TMEM202: variants seen among roughly 807,000 people sequenced by gnomAD.
The protein encoded by TMEM202 is transmembrane protein 202.
In TMEM202, 25 loss-of-function variants were observed where a neutral mutation model predicts 26.1. That is an observed-to-expected ratio of 0.96 (90% CI 0.70 to 1.34). TMEM202 has a LOEUF of 1.34. Ranked by LOEUF, TMEM202 falls within the 40% of genes most tolerant of loss-of-function variation. The pLI is 0.00. For missense variants in TMEM202, 301 were observed against 327.7 expected, an observed-to-expected ratio of 0.92 and a Z score of 0.63; for synonymous variants, 122 against 119.0, an observed-to-expected ratio of 1.02 and a Z score of -0.16.
intron 2 of TMEM202, among the ~76,000 whole-genome samples, chr15:72,400,315 G>A (rs1325661817): frequency 6.6e-6 from 1 of 152,146 alleles, no homozygotes; most frequent in East Asian, 1.9e-4. Context: ...ATAACAAGAT[G>A]TAACTTTTCA....
intron 3 of TMEM202, 73 bp from the exon 4 acceptor site, chr15:72,407,013 A>G (rs1750380044): frequency 1.3e-6 from 2 of 1,582,634 alleles, no homozygotes; most frequent in African/African-American, 2.7e-5. Context: ...TCTGGAGGCC[A>G]AAGAGCTGGG....
intron 2 of TMEM202, among the ~76,000 whole-genome samples, chr15:72,403,053 A>T (rs1450186230): frequency 6.6e-6 from 1 of 152,168 alleles, no homozygotes; most frequent in Admixed American, 6.5e-5. Context: ...TGTCTCCAGC[A>T]ACACCACTTT....
chr15:72,400,599 A>G (rs1233622114), intron 2 of TMEM202, among the ~76,000 whole-genome samples: 2 of 152,166 alleles, frequency 1.3e-5, no homozygotes, highest in African/African-American at 4.8e-5. Context: ...CATCCTTAAG[A>G]TTATTATTTA....
At position 72,407,668 on chromosome 15, in the gene TMEM202, C is replaced by G. The variant is rs952613466; in HGVS notation, c.620-23C>G. 4 of 1,610,554 alleles carry G rather than the reference C, an allele frequency of 2.5e-6. No individual in the cohort carries two copies. The African/African-American group carries it at 5.3e-5, about 22-fold the overall frequency. Reference sequence around the variant, plus strand: ...AAGACCATTGCCTATTGAACCTCACCTCAAATTATTCCCTTCCCGTAGGGA... The same window carrying G: ...AAGACCATTGCCTATTGAACCTCACGTCAAATTATTCCCTTCCCGTAGGGA... On this transcript the variant is annotated intron_variant, in intron 4 of 4. Coordinates refer to ENST00000341689, the MANE Select transcript of TMEM202 (RefSeq NM_001080462.3).
At chr15:72,404,528 G>A (rs1280398718) in intron 2 of TMEM202, among the ~76,000 whole-genome samples, 1 of 152,166 alleles carries the variant, frequency 6.6e-6, no homozygotes, top group East Asian at 1.9e-4. Flanking sequence ...CTCAGATAAA[G>A]AAAATCAAGC....
chr15:72,406,674 T>G lies in TMEM202; in HGVS notation c.410T>G (p.Phe137Cys). ...FTILTGLGWLFSSWILNRGSM... is the reference protein window; with the variant it reads ...FTILTGLGWLCSSWILNRGSM... ...ATACTTACTGGCCTTGGCTGGCTCT[T>G]CAGCTCTTGGATCCTTAATCGAGGA... The change falls in exon 3 of 5, where the codon TTC becomes TGC. Residue 137 changes from phenylalanine (F) to cysteine (C), a missense_variant. Physicochemically the swap from Phe to Cys is radical, Grantham distance 205. Transcript: ENST00000341689. 3 of 1,614,138 alleles carry G rather than the reference T, an allele frequency of 1.9e-6. No homozygotes were observed. Among genetic ancestry groups the G allele is most frequent in the Non-Finnish European group, 2.5e-6 (3 of 1,179,996 alleles).
intron 2 of TMEM202, among the ~76,000 whole-genome samples, chr15:72,402,699 C>T (rs369252389): frequency 7.9e-5 from 12 of 152,072 alleles, no homozygotes; most frequent in South Asian, 2.1e-4. Context: ...TTTTGCAGAG[C>T]GTGGGAAAGA....
At chr15:72,399,662 A>G (rs2063538683) in intron 2 of TMEM202, among the ~76,000 whole-genome samples, 1 of 152,258 alleles carries the variant, frequency 6.6e-6, no homozygotes, top group Admixed American at 6.5e-5. Context: ...GCCAGCTATG[A>G]AGATAATGTT....
intron 2 of TMEM202, among the ~76,000 whole-genome samples, chr15:72,400,032 TC>T (rs1342211483): frequency 6.6e-6 from 1 of 152,202 alleles, no homozygotes; most frequent in Non-Finnish European, 1.5e-5. Context: ...AGGGACAGTA[TC>T]CTGCATGATC....
chr15:72,407,282 A>G, intron 4 of TMEM202, 65 bp downstream of exon 4: 3 of 1,561,984 alleles, frequency 1.9e-6, no homozygotes, highest in Non-Finnish European at 2.6e-6. Flanking sequence ...AAAGGGAGGT[A>G]TAATCCAGGA....
intron 2 of TMEM202, among the ~76,000 whole-genome samples, chr15:72,400,366 T>C (rs2063542091): frequency 6.6e-6 from 1 of 152,228 alleles, no homozygotes; most frequent in Admixed American, 6.5e-5. Flanking sequence ...ATGCAACTGC[T>C]ATCACTCCCA....
intron 4 of TMEM202, 124 bp downstream of exon 4, chr15:72,407,341 G>T (rs971032010): frequency 1.5e-5 from 17 of 1,158,890 alleles, no homozygotes; most frequent in Non-Finnish European, 2.1e-5. Context: ...TACTTGGAGA[G>T]TCAGGGGGGC....
intron 2 of TMEM202, among the ~76,000 whole-genome samples, chr15:72,404,007 T>C (rs2063560308): frequency 6.6e-6 from 1 of 152,210 alleles, no homozygotes. Flanking sequence ...AACTGGACTT[T>C]ATATGTTAGG....
intron 4 of TMEM202, 51 bp downstream of exon 4, chr15:72,407,268 C>A (rs2063576960): frequency 6.3e-7 from 1 of 1,598,084 alleles, no homozygotes; most frequent in Non-Finnish European, 8.5e-7. Context: ...GAAATCGCTT[C>A]TGGAAAGGGA....
chr15:72,401,206 C>T (rs1055846366), intron 2 of TMEM202, among the ~76,000 whole-genome samples: 3 of 152,112 alleles, frequency 2.0e-5, no homozygotes, highest in Non-Finnish European at 4.4e-5. Context: ...GCCTTAACCT[C>T]CTGGGAATGC....
intron 2 of TMEM202, among the ~76,000 whole-genome samples, chr15:72,401,572 C>A (rs1351376339): frequency 3.9e-5 from 6 of 152,006 alleles, no homozygotes; most frequent in Admixed American, 3.9e-4. Context: ...ACATTAGAAT[C>A]CCGAAATTAT....
At position 72,398,713 on chromosome 15, in the gene TMEM202, C is replaced by G. The variant is rs1486463271; in HGVS notation, c.142C>G (p.Leu48Val). ...ASMSCQRQQQ[L>V]MDQAHIYIRT... ...GATGTCATGCCAAAGGCAGCAGCAG[C>G]TTATGGATCAGGCACACATCTACAT... The change falls in exon 2 of 5, where the codon CTT becomes GTT. Residue 48 changes from leucine to valine, a missense_variant. Leu to Val is a conservative substitution (Grantham distance 32). Transcript: ENST00000341689. 6.2e-7 allele frequency: 1 copy of G among 1,614,184 alleles called. No homozygotes were observed. Among genetic ancestry groups the G allele is most frequent in the Non-Finnish European group, 8.5e-7 (1 of 1,180,040 alleles).
chr15:72,406,701 G>T lies in TMEM202; in HGVS notation c.437G>T (p.Ser146Ile), dbSNP rs752541502. Residue 146 changes from serine (S) to isoleucine (I), a missense_variant, in exon 3 of 5, where the codon AGC (serine) becomes ATC (isoleucine). Physicochemically the swap from Ser to Ile is moderately radical, Grantham distance 142. Coordinates refer to ENST00000341689, the MANE Select transcript of TMEM202 (RefSeq NM_001080462.3). ...LFSSWILNRGSMTTNLDLKVS... is the reference protein window; with the variant it reads ...LFSSWILNRGIMTTNLDLKVS... ...AGCTCTTGGATCCTTAATCGAGGAA[G>T]CATGACCACCAACTTGGATCTGAAG... 1.2e-6 allele frequency: 2 copies of T among 1,614,156 alleles called. No homozygotes were observed. The highest frequency in any genetic ancestry group is 2.2e-5 in the South Asian group (2 of 91,076).
At chr15:72,404,765 T>C (rs542633671) in intron 2 of TMEM202, among the ~76,000 whole-genome samples, 1 of 152,248 alleles carries the variant, frequency 6.6e-6, no homozygotes, top group Admixed American at 6.5e-5. Context: ...CCATGCTTAG[T>C]CCAGGTAGCT....
Sources: allele counts gnomAD v4.1 joint callset (sites outside exome capture counted in the v4.1 genomes callset), GRCh38; gene constraint gnomAD v4.1.1; transcripts MANE v1.5; gene names NCBI Gene and HGNC (gene_info 2026-07-23, HGNC 2026-07-21).